Variants in PTPDC1 observed in about 807,000 individuals in gnomAD.
PTPDC1 encodes the protein protein tyrosine phosphatase domain-containing protein 1.
A neutral mutation model predicts 75.3 loss-of-function variants in PTPDC1; 53 were observed. That is an observed-to-expected ratio of 0.70 (90% CI 0.56 to 0.88). The LOEUF is 0.88. Among genes scored for constraint, PTPDC1 ranks in the 40% least tolerant of loss-of-function variants. The probability of loss-of-function intolerance (pLI) is 0.00; values close to 1 mark genes in which losing one functional copy is unlikely to be tolerated. For missense variants in PTPDC1, 925 were observed against 998.6 expected (o/e 0.93, Z 0.99); for synonymous variants, 349 against 366.2 (o/e 0.95, Z 0.54).
chr9:94,059,840 A>C (rs1826074516), intron 1 of PTPDC1, among the ~76,000 whole-genome samples: 1 of 152,188 alleles, frequency 6.6e-6, no homozygotes, highest in Non-Finnish European at 1.5e-5. Context: ...TTTTAGCATC[A>C]AAATATATGG....
chr9:94,062,257 AT>A (rs1209202773), intron 1 of PTPDC1, among the ~76,000 whole-genome samples: 1 of 152,088 alleles, frequency 6.6e-6, no homozygotes, highest in African/African-American at 2.4e-5. Context: ...TTCCCAGTAA[AT>A]TCCCCATTTC....
In PTPDC1 at chr9:94,085,234, T is replaced by G; in HGVS notation, c.245-17T>G. On this transcript the variant is annotated splice_polypyrimidine_tract_variant and intron_variant, in intron 1 of 8. Transcript: ENST00000620992. ...GGAGAGTGGAATTTTGAATTTTCCT[T>G]TCCTTATATGTTCTAGGAAATTTAG... 6.3e-7 allele frequency: 1 copy of G among 1,599,920 alleles called. No homozygotes were observed. The highest frequency in any genetic ancestry group is 1.1e-5 in the South Asian group (1 of 89,772).
chr9:94,090,340 C>T (rs1827267212), intron 4 of PTPDC1, among the ~76,000 whole-genome samples: 1 of 147,150 alleles, frequency 6.8e-6, no homozygotes, highest in African/African-American at 2.6e-5. Flanking sequence ...ATAGGGAATC[C>T]TTTCCCCATT....
In PTPDC1 at chr9:94,106,651, C is replaced by G. The variant is rs558686568; in HGVS notation, c.2311-1177C>G. Among the ~76,000 whole-genome samples, 4 of 152,300 alleles carry G rather than the reference C, an allele frequency of 2.6e-5. No individual in the cohort carries two copies. The South Asian group carries it at 8.3e-4, about 32-fold the overall frequency. ...CTGGCAAGCTAACAGGTTAAGGTCT[C>G]AGATCCTTTACAGTTGTTGACAGAG... is the stretch of plus-strand genomic sequence containing the variant. On this transcript the variant is annotated intron_variant, in intron 8 of 8. Coordinates refer to ENST00000620992, the MANE Select transcript of PTPDC1 (RefSeq NM_001253829.2).
chr9:94,081,208 T>C (rs137914251), upstream of PTPDC1, among the ~76,000 whole-genome samples: 78 of 152,302 alleles, frequency 5.1e-4, no homozygotes, highest in Non-Finnish European at 1.0e-3. Flanking sequence ...CAGGTGGGTT[T>C]CTAACTACTG....
At chr9:94,088,960 A>G (rs1165031642) in intron 4 of PTPDC1, among the ~76,000 whole-genome samples, 2 of 152,204 alleles carry the variant, frequency 1.3e-5, no homozygotes, top group Non-Finnish European at 2.9e-5. Flanking sequence ...CTGAGTAACT[A>G]TAGCATGAAT....
intron 1 of PTPDC1, among the ~76,000 whole-genome samples, chr9:94,061,367 A>G (rs1018610415): frequency 6.6e-6 from 1 of 152,168 alleles, no homozygotes. Flanking sequence ...CACAGGGTGC[A>G]AGCTGCTGGA....
chr9:94,035,772 A>C (rs146278343), intron 1 of PTPDC1, among the ~76,000 whole-genome samples: 27 of 152,168 alleles, frequency 1.8e-4, no homozygotes, highest in Non-Finnish European at 3.2e-4. Flanking sequence ...TGTAATGGCT[A>C]TACCAATTTA....
At chr9:94,067,633 T>G (rs1410349103) in intron 2 of PTPDC1, among the ~76,000 whole-genome samples, 1 of 152,100 alleles carries the variant, frequency 6.6e-6, no homozygotes, top group Non-Finnish European at 1.5e-5. Context: ...TCTCTTTTCT[T>G]TTTTGTCTCC....
At chr9:94,084,382 C>CTTTTTT, upstream of PTPDC1, 1 of 1,313,150 alleles carries the variant, frequency 7.6e-7, no homozygotes, top group East Asian at 2.6e-5. Context: ...TCAGTAGTTT[C>CTTTTTT]TTTGTTTGTC....
chr9:94,058,638 G>A (rs1826028510), intron 1 of PTPDC1, among the ~76,000 whole-genome samples: 1 of 152,016 alleles, frequency 6.6e-6, no homozygotes, highest in African/African-American at 2.4e-5. Context: ...ACCTGGAGGG[G>A]GAAGTTGCAG....
chr9:94,079,978 A>G (rs942706759), upstream of PTPDC1, among the ~76,000 whole-genome samples: 1 of 152,252 alleles, frequency 6.6e-6, no homozygotes, highest in African/African-American at 2.4e-5. Flanking sequence ...GCGAAGCCTG[A>G]GCCAGATAAC....
intron 1 of PTPDC1, among the ~76,000 whole-genome samples, chr9:94,037,367 T>C (rs1825302443): frequency 6.6e-6 from 1 of 152,206 alleles, no homozygotes; most frequent in African/African-American, 2.4e-5. Flanking sequence ...ATATGTATTG[T>C]CAAATTTAGA....
upstream of PTPDC1, among the ~76,000 whole-genome samples, chr9:94,080,698 A>G (rs998615575): frequency 4.6e-5 from 7 of 152,368 alleles, no homozygotes; most frequent in South Asian, 1.0e-3. Flanking sequence ...ATCAAAGTCA[A>G]GGAAAGACTG....
intron 5 of PTPDC1, among the ~76,000 whole-genome samples, chr9:94,096,105 G>A (rs1200963468): frequency 6.6e-6 from 1 of 152,200 alleles, no homozygotes; most frequent in African/African-American, 2.4e-5. Context: ...ACATTCAGCT[G>A]AATTTCATTA....
intron 1 of PTPDC1, among the ~76,000 whole-genome samples, chr9:94,036,024 T>G (rs933590581): frequency 2.4e-4 from 30 of 125,230 alleles, no homozygotes; most frequent in Non-Finnish European, 4.1e-4. Flanking sequence ...GGATTATTTG[T>G]TTTTTTTTTT....
In PTPDC1 at chr9:94,097,530, A is replaced by G; in HGVS notation, c.964A>G (p.Ile322Val). The G allele has an allele frequency of 6.2e-7, 1 of 1,614,098 alleles. No homozygotes were observed. The highest frequency in any genetic ancestry group is 1.3e-5 in the African/African-American group (1 of 75,018). ...AHAVTLPQYL[I>V]RQRHLLHGYE... ...TGCTGTCACCTTACCTCAATATCTA[A>G]TTCGCCAGCGTCATCTGCTTCATGG... The change falls in exon 6 of 9, where the codon ATT becomes GTT. Residue 322 changes from isoleucine (I) to valine (V), a missense_variant. By Grantham distance (29) the Ile-to-Val change is conservative (BLOSUM62 3). Transcript: ENST00000620992.
chr9:94,069,823 CTTTTTTTT>C (rs763640631), intron 2 of PTPDC1, among the ~76,000 whole-genome samples: 1 of 108,204 alleles, frequency 9.2e-6, no homozygotes, highest in Non-Finnish European at 1.9e-5. Flanking sequence ...CCAATACTTT[CTTTTTTTT>C]TTTTTTTTTT....
intron 7 of PTPDC1, among the ~76,000 whole-genome samples, chr9:94,102,216 A>C (rs1368982489): frequency 6.6e-6 from 1 of 152,134 alleles, no homozygotes; most frequent in Non-Finnish European, 1.5e-5. Flanking sequence ...TGCTGTGAGC[A>C]TGCATATGGG....
Sources: allele counts gnomAD v4.1 joint callset (sites outside exome capture counted in the v4.1 genomes callset), GRCh38; gene constraint gnomAD v4.1.1; transcripts MANE v1.5; gene names NCBI Gene and HGNC (gene_info 2026-07-23, HGNC 2026-07-21).